The following USP33 variants were observed in gnomAD, a reference collection of about 807,000 sequenced individuals.
The protein encoded by USP33 is ubiquitin specific peptidase 33, also known as ubiquitin carboxyl-terminal hydrolase 33.
In USP33, 46 loss-of-function variants were observed where a neutral mutation model predicts 124.2. That is an observed-to-expected ratio of 0.37 (90% CI 0.29 to 0.47). The LOEUF (loss-of-function observed/expected upper bound fraction) is 0.47, where lower values mean the gene tolerates loss of function less well. USP33 is among the 20% of genes least tolerant of loss of function. The pLI is 0.99. For missense variants in USP33, 851 were observed against 1,070.6 expected, an observed-to-expected ratio of 0.79 and a Z score of 2.86; for synonymous variants, 350 against 352.3, an observed-to-expected ratio of 0.99 and a Z score of 0.07.
chr1:77,734,757 A>G (rs764036134), intron 6 of USP33, among the ~76,000 whole-genome samples: 1 of 152,228 alleles, frequency 6.6e-6, no homozygotes, highest in Non-Finnish European at 1.5e-5. Context: ...AATTAATGAC[A>G]ATGCAAAAAA....
chr1:77,728,147 G>T, intron 10 of USP33, 148 bp downstream of exon 10: 1 of 796,980 alleles, frequency 1.3e-6, no homozygotes. Flanking sequence ...TTTTATCCTC[G>T]GGTTCTATAA....
chr1:77,702,075 G>A (rs1674076939), intron 21 of USP33, among the ~76,000 whole-genome samples: 2 of 134,966 alleles, frequency 1.5e-5, no homozygotes, highest in African/African-American at 2.8e-5. Flanking sequence ...CCAGAAGGTT[G>A]AGACTACAGT....
chr1:77,735,185 T>A (rs1186914306), intron 6 of USP33, among the ~76,000 whole-genome samples: 5 of 151,884 alleles, frequency 3.3e-5, no homozygotes, highest in Non-Finnish European at 7.4e-5. Flanking sequence ...CTGCTGACAA[T>A]CTACAAAAAT....
intron 1 of USP33, among the ~76,000 whole-genome samples, chr1:77,757,622 A>C (rs371113691): frequency 8.1e-4 from 124 of 152,348 alleles, no homozygotes; most frequent in African/African-American, 2.8e-3. Context: ...CACATTTCTC[A>C]CCAAAAATCT....
At chr1:77,740,025 A>G (rs1469574247) in intron 4 of USP33, among the ~76,000 whole-genome samples, 1 of 152,236 alleles carries the variant, frequency 6.6e-6, no homozygotes, top group African/African-American at 2.4e-5. Flanking sequence ...AATTAATTCT[A>G]TAGAGGAATC....
chr1:77,706,775 A>G (rs113333442), intron 21 of USP33, among the ~76,000 whole-genome samples: 4,011 of 152,312 alleles, frequency 0.026, 55 homozygotes, highest in Middle Eastern at 0.078. Context: ...AGAAACCAAT[A>G]TATGGTGGTT....
chr1:77,718,944 A>C (rs1007937651), intron 15 of USP33, among the ~76,000 whole-genome samples: 3 of 151,336 alleles, frequency 2.0e-5, no homozygotes, highest in Non-Finnish European at 4.4e-5. Flanking sequence ...AAAAAAAAAA[A>C]AGAAAGAAAG....
chr1:77,712,857 CA>C (rs1224100736), intron 20 of USP33, among the ~76,000 whole-genome samples: 9 of 144,630 alleles, frequency 6.2e-5, no homozygotes, highest in African/African-American at 1.8e-4. Flanking sequence ...GACCTTGTCT[CA>C]AAAAAAAAGA....
chr1:77,747,576 T>C (rs1679870451), intron 1 of USP33, among the ~76,000 whole-genome samples: 1 of 152,184 alleles, frequency 6.6e-6, no homozygotes. Flanking sequence ...ATCTATTCCA[T>C]TGGTCAATAT....
At chr1:77,743,408 A>G (rs987210560) in intron 1 of USP33, among the ~76,000 whole-genome samples, 6 of 152,290 alleles carry the variant, frequency 3.9e-5, no homozygotes, top group South Asian at 4.2e-4. Flanking sequence ...CAAATCAAAT[A>G]ATCAATTCAC....
At chr1:77,736,583 T>G (rs1032420364) in intron 5 of USP33, among the ~76,000 whole-genome samples, 19 of 152,108 alleles carry the variant, frequency 1.2e-4, no homozygotes, top group African/African-American at 4.1e-4. Context: ...CTACAATCTC[T>G]CCTGATACTT....
chr1:77,717,607 T>C (rs1363197225), intron 17 of USP33: 2 of 240,386 alleles, frequency 8.3e-6, no homozygotes, highest in African/African-American at 4.5e-5. Context: ...TTTTAATAAT[T>C]AGCAGTAACA....
intron 22 of USP33, among the ~76,000 whole-genome samples, chr1:77,699,593 G>A (rs1003218656): frequency 6.6e-6 from 1 of 152,166 alleles, no homozygotes; most frequent in Admixed American, 6.5e-5. Context: ...CACTGTTGGT[G>A]GGAATGTAAA....
rs377621434 is a variant in USP33, at chr1:77,729,886, G to T, written c.691C>A (p.Pro231Thr). Reference protein sequence around the residue: ...TLFQGIKTVNPTFRGYSQQDA... With the variant: ...TLFQGIKTVNTTFRGYSQQDA... ...TGCTGAGAATACCCCCGAAATGTTG[G>T]ATTTACAGTTTTAATTCCTTGAAAC... is the stretch of plus-strand genomic sequence containing the variant. Residue 231 changes from proline (P) to threonine (T), a missense_variant, in exon 9 of 24, where the codon CCA becomes ACA. Pro to Thr is a conservative substitution (Grantham distance 38). Around this residue, in one of 4 missense-constraint regions of USP33, gnomAD observed 221 missense variants for 302.9 expected, o/e 0.73. Coordinates refer to ENST00000370794, the MANE Select transcript of USP33 (RefSeq NM_201624.3). 1 of 1,613,816 alleles carries T rather than the reference G, an allele frequency of 6.2e-7. No individual in the cohort carries two copies.
intron 21 of USP33, among the ~76,000 whole-genome samples, chr1:77,705,138 T>C (rs1674476163): frequency 6.8e-6 from 1 of 146,062 alleles, no homozygotes; most frequent in African/African-American, 2.6e-5. Context: ...GGGGGGGGGC[T>C]GAATAAAACA....
chr1:77,702,164 A>C (rs1047376927), intron 21 of USP33, among the ~76,000 whole-genome samples: 22 of 144,272 alleles, frequency 1.5e-4, no homozygotes, highest in Non-Finnish European at 3.0e-4. Context: ...AAAAAAAAAA[A>C]AAAAAAAAAA....
chr1:77,714,542 C>A (rs892420307), intron 19 of USP33, 72 bp downstream of exon 19: 2 of 1,485,962 alleles, frequency 1.3e-6, no homozygotes, highest in African/African-American at 1.4e-5. Context: ...GAGGAAAATT[C>A]TTGGCTCTCC....
rs371408436 is a variant in USP33 at position 77,722,077 on chromosome 1, G to A, written c.1509C>T (p.Gly503=). 6.0e-5 allele frequency: 97 copies of A among 1,613,780 alleles called. No individual in the cohort carries two copies. The highest frequency in any genetic ancestry group is 3.5e-4 in the South Asian group (32 of 91,076). Residue 503 remains glycine (G), a synonymous_variant, in exon 13 of 24, where the codon GGC becomes GGT. Transcript: ENST00000370794. ...PTSIVKAGSC[G]EAYAPQGWIA... is the part of the protein sequence containing the mutation. ...TCCACCCTTGTGGAGCATATGCTTC[G>A]CCACATGATCCTGCTTTGACTATAG...
At chr1:77,748,624 G>A (rs1679968618) in intron 1 of USP33, among the ~76,000 whole-genome samples, 1 of 150,622 alleles carries the variant, frequency 6.6e-6, no homozygotes, top group South Asian at 2.1e-4. Flanking sequence ...AGCCAAGATT[G>A]CGTCACTGCA....
Sources: allele counts gnomAD v4.1 joint callset (sites outside exome capture counted in the v4.1 genomes callset), GRCh38; gene constraint gnomAD v4.1.1; regional missense constraint gnomAD v4.1.1; transcripts MANE v1.5; gene names NCBI Gene and HGNC (gene_info 2026-07-23, HGNC 2026-07-21).